The following SLC9B1 variants were observed in gnomAD, a reference collection of about 807,000 sequenced individuals.
The protein encoded by SLC9B1 is solute carrier family 9 member B1, also known as sodium/hydrogen exchanger 9B1.
SLC9B1 carries 32 observed loss-of-function variants against 51.7 expected under a neutral mutation model. The ratio of observed to expected loss-of-function variants is 0.62; its 90% CI spans 0.47 to 0.83. SLC9B1 has a LOEUF of 0.83. Ranked by LOEUF, SLC9B1 falls within the 40% of genes least tolerant of loss-of-function variation. SLC9B1 has a pLI of 0.00. For missense variants in SLC9B1, 406 were observed against 613.2 expected (o/e 0.66, Z 3.57); for synonymous variants, 145 against 212.7 (o/e 0.68, Z 2.77).
downstream of SLC9B1, among the ~76,000 whole-genome samples, chr4:102,896,471 G>A (rs912660413): frequency 5.3e-5 from 8 of 151,952 alleles, no homozygotes; most frequent in Non-Finnish European, 1.0e-4. Flanking sequence ...ATTAGAACTG[G>A]AAAGAGCAAT....
chr4:102,999,267 T>G (rs200382474), intron 1 of SLC9B1, among the ~76,000 whole-genome samples: 1 of 152,242 alleles, frequency 6.6e-6, no homozygotes, highest in African/African-American at 2.4e-5. Flanking sequence ...CTGTTGATAG[T>G]GTCCTTTGTT....
intron 7 of SLC9B1, 43 bp downstream of exon 7, chr4:102,932,081 A>C: frequency 1.9e-6 from 3 of 1,586,640 alleles, no homozygotes; most frequent in Non-Finnish European, 2.6e-6. Flanking sequence ...AGTAACAAAA[A>C]AGGTCATGAA....
intron 1 of SLC9B1, among the ~76,000 whole-genome samples, chr4:103,019,031 GC>G (rs962994136): frequency 6.6e-5 from 10 of 152,194 alleles, no homozygotes; most frequent in Middle Eastern, 3.4e-3. Flanking sequence ...ATCCCATCTT[GC>G]CCCCCACCCC....
Position 102,901,017 on chromosome 4 carries a change from G to A in SLC9B1, c.*100C>T. The A allele has an allele frequency of 1.3e-6, 2 of 1,553,072 alleles. No individual in the cohort carries two copies. Among genetic ancestry groups the A allele is most frequent in the South Asian group, 1.2e-5 (1 of 86,598 alleles). On this transcript the variant is annotated 3_prime_UTR_variant, in exon 12 of 12. Coordinates refer to ENST00000296422, the MANE Select transcript of SLC9B1 (RefSeq NM_139173.4). ...TGAAATCACATGTTTACTAAATCCT[G>A]GATTCTCTGTACAGTCCCCACATAT...
At chr4:102,893,523 G>GGA (rs1162740284) in intron 11 of SLC9B1, among the ~76,000 whole-genome samples, 1 of 152,138 alleles carries the variant, frequency 6.6e-6, no homozygotes, top group Non-Finnish European at 1.5e-5. Context: ...GTTGCAAGAA[G>GGA]GATAATTCCA....
chr4:102,937,946 C>T (rs1736806029), intron 6 of SLC9B1, among the ~76,000 whole-genome samples: 1 of 152,196 alleles, frequency 6.6e-6, no homozygotes, highest in East Asian at 1.9e-4. Flanking sequence ...AGAACATTGA[C>T]ATTGTAAAGT....
intron 3 of SLC9B1, among the ~76,000 whole-genome samples, chr4:102,987,227 G>C (rs891157590): frequency 6.6e-6 from 1 of 152,044 alleles, no homozygotes; most frequent in Non-Finnish European, 1.5e-5. Flanking sequence ...TCCCTTAGTT[G>C]GTGCAGGATG....
intron 7 of SLC9B1, 78 bp from the exon 8 acceptor site, chr4:102,911,615 G>C: frequency 1.2e-6 from 1 of 860,172 alleles, no homozygotes; most frequent in Non-Finnish European, 1.8e-6. Context: ...GCAAATCTAG[G>C]TGGTTCATGA....
chr4:102,987,166 C>T (rs1334935261), intron 3 of SLC9B1, among the ~76,000 whole-genome samples: 1 of 152,032 alleles, frequency 6.6e-6, no homozygotes, highest in Non-Finnish European at 1.5e-5. Flanking sequence ...TTTAGTAGGC[C>T]TGTGCCTCTG....
chr4:102,967,879 T>A (rs1472259498), intron 3 of SLC9B1, among the ~76,000 whole-genome samples: 1 of 152,156 alleles, frequency 6.6e-6, no homozygotes, highest in Non-Finnish European at 1.5e-5. Context: ...CCTAAATAAA[T>A]GGAGAGATAT....
At position 103,019,693 on chromosome 4, in the gene SLC9B1, G is replaced by T; in HGVS notation, c.-96C>A. On this transcript the variant is annotated 5_prime_UTR_variant, in exon 1 of 12. Transcript: ENST00000296422. Reference sequence around the variant, plus strand: ...ACGCGCCACCCAGGTGGGCAGGGTGGTGACGCGAAAGCCCGGATAGACTTC... The same window carrying T: ...ACGCGCCACCCAGGTGGGCAGGGTGTTGACGCGAAAGCCCGGATAGACTTC... The T allele has an allele frequency of 4.1e-6, 4 of 985,536 alleles. No individual in the cohort carries two copies. Among genetic ancestry groups the T allele is most frequent in the Non-Finnish European group, 4.8e-6 (4 of 829,978 alleles). 61.0% of individuals were successfully genotyped at this position (985,536 alleles called of 1,614,324 possible). A position where few individuals can be genotyped will look rare whatever the true frequency, so the allele number is the denominator to read the frequency against.
chr4:102,993,727 G>A (rs1008852307), intron 1 of SLC9B1, among the ~76,000 whole-genome samples: 1 of 152,184 alleles, frequency 6.6e-6, no homozygotes, highest in African/African-American at 2.4e-5. Context: ...ACTTCTGCCT[G>A]GATATCCAGG....
chr4:102,887,231 T>G (rs1271486128), intron 11 of SLC9B1: 3 of 691,586 alleles, frequency 4.3e-6, no homozygotes, highest in Non-Finnish European at 2.6e-6. Context: ...GAAAACGATC[T>G]GATTTTTTTT....
chr4:102,940,226 CCAAATCAAG>C (rs1238095824), intron 6 of SLC9B1, among the ~76,000 whole-genome samples: 1 of 152,034 alleles, frequency 6.6e-6, no homozygotes, highest in Non-Finnish European at 1.5e-5. Flanking sequence ...AAGCTGAAAG[CCAAATCAAG>C]AATGCAATCC....
At chr4:102,901,532 A>T (rs1388791414) in intron 11 of SLC9B1, among the ~76,000 whole-genome samples, 200 bp from the exon 12 acceptor site, 1 of 152,208 alleles carries the variant, frequency 6.6e-6, no homozygotes. Context: ...AATAGTGACA[A>T]ATCAGCAGGC....
At chr4:102,951,241 T>C (rs1737538339) in intron 3 of SLC9B1, among the ~76,000 whole-genome samples, 1 of 152,118 alleles carries the variant, frequency 6.6e-6, no homozygotes, top group South Asian at 2.1e-4. Context: ...TGTCCCTGCA[T>C]AGAAGTATCC....
At chr4:102,960,756 G>T (rs1456457867) in intron 3 of SLC9B1, among the ~76,000 whole-genome samples, 1 of 149,396 alleles carries the variant, frequency 6.7e-6, no homozygotes, top group African/African-American at 2.5e-5. Context: ...TTTTGAGATG[G>T]AGTTTTGCTC....
At chr4:102,980,059 C>T (rs547279478) in intron 3 of SLC9B1, among the ~76,000 whole-genome samples, 3 of 152,206 alleles carry the variant, frequency 2.0e-5, no homozygotes, top group East Asian at 3.9e-4. Flanking sequence ...CCATCTTATG[C>T]CAGTCAGAAT....
intron 3 of SLC9B1, among the ~76,000 whole-genome samples, chr4:102,981,244 C>T (rs1472846312): frequency 6.6e-6 from 1 of 152,072 alleles, no homozygotes; most frequent in Admixed American, 6.6e-5. Context: ...TATTCACTCA[C>T]CTAATGAAAG....
Sources: allele counts gnomAD v4.1 joint callset (sites outside exome capture counted in the v4.1 genomes callset), GRCh38; gene constraint gnomAD v4.1.1; transcripts MANE v1.5; gene names NCBI Gene and HGNC (gene_info 2026-07-23, HGNC 2026-07-21).